NCKAP1L: variants seen among roughly 807,000 people sequenced by gnomAD.
The protein encoded by NCKAP1L is NCK associated protein 1 like.
NCKAP1L carries 53 observed loss-of-function variants against 139.2 expected under a neutral mutation model. The ratio of observed to expected loss-of-function variants is 0.38; its 90% CI spans 0.31 to 0.48. The LOEUF is 0.48. Ranked by LOEUF, NCKAP1L falls within the 20% of genes least tolerant of loss-of-function variation. The probability of loss-of-function intolerance (pLI) is 0.98; values close to 1 mark genes in which losing one functional copy is unlikely to be tolerated. For missense variants in NCKAP1L, 1,151 were observed against 1,381.9 expected, an observed-to-expected ratio of 0.83 and a Z score of 2.65; for synonymous variants, 468 against 499.7, an observed-to-expected ratio of 0.94 and a Z score of 0.85.
Position 54,536,105 on chromosome 12 carries a change from CT to C in NCKAP1L, c.2957-20del, listed in dbSNP as rs771491229. On this transcript the variant is annotated intron_variant, in intron 27 of 30. Coordinates refer to ENST00000293373, the MANE Select transcript of NCKAP1L (RefSeq NM_005337.5). ...TTTGCTGACTTTATTCACTTTTCCT[CT>C]TTTCCTTTTTCCCTCTCACCAGATA... 3.9e-5 allele frequency: 60 copies of C among 1,549,950 alleles called. No individual in the cohort carries two copies. In the Middle Eastern group the frequency reaches 7.0e-4, roughly 18 times the overall value.
chr12:54,516,886 T>G lies in NCKAP1L; in HGVS notation c.999-10T>G, dbSNP rs1024100702. The G allele has an allele frequency of 1.2e-6, 2 of 1,610,856 alleles. No homozygotes were observed. The highest frequency in any genetic ancestry group is 4.5e-5 in the East Asian group (2 of 44,652). ...AGAGGTGATAGTCATGTTCCCCTTT[T>G]CTTCCTTAGTGGCCAGTTTCATTGT... On this transcript the variant is annotated splice_polypyrimidine_tract_variant and intron_variant, in intron 10 of 30. Transcript: ENST00000293373.
At chr12:54,498,557 A>G (rs1445840644) in intron 1 of NCKAP1L, among the ~76,000 whole-genome samples, 1 of 152,072 alleles carries the variant, frequency 6.6e-6, no homozygotes, top group East Asian at 1.9e-4. Context: ...GGCATAGAAA[A>G]TAGGGGACTT....
intron 1 of NCKAP1L, among the ~76,000 whole-genome samples, chr12:54,498,315 G>GA (rs1004836262): frequency 2.3e-4 from 35 of 151,116 alleles, no homozygotes; most frequent in African/African-American, 7.3e-4. Context: ...TCCCTAAAAG[G>GA]AAAAAAAATA....
intron 16 of NCKAP1L, among the ~76,000 whole-genome samples, chr12:54,520,166 G>T (rs1466423639): frequency 6.6e-6 from 1 of 152,178 alleles, no homozygotes; most frequent in African/African-American, 2.4e-5. Flanking sequence ...TAGTTGGGGA[G>T]ATATAATACC....
intron 16 of NCKAP1L, 31 bp from the exon 17 acceptor site, chr12:54,520,663 C>T: frequency 6.2e-7 from 1 of 1,613,502 alleles, no homozygotes. Context: ...AGGACTAAAT[C>T]TTGATTTAAA....
chr12:54,518,671 G>A lies in NCKAP1L; in HGVS notation c.1359G>A (p.Glu453=), dbSNP rs576321186. 3 of 1,614,050 alleles carry A rather than the reference G, an allele frequency of 1.9e-6. No individual in the cohort carries two copies. The South Asian group carries it at 3.3e-5, about 18-fold the overall frequency. Residue 453 remains glutamate (E), a synonymous_variant, in exon 14 of 31, where the codon GAG becomes GAA. Transcript: ENST00000293373. ...TTTAGAACTTGTCTGTGTGTCCAGA[G>A]GAGGAGTCCATCATCATGTCCTCAT... ...DIIQNLSVCP[E]EESIIMSSFV... is the part of the protein sequence containing the mutation.
At chr12:54,525,829 AG>A (rs1261127981) in intron 20 of NCKAP1L, among the ~76,000 whole-genome samples, 1 of 152,200 alleles carries the variant, frequency 6.6e-6, no homozygotes, top group Non-Finnish European at 1.5e-5. Flanking sequence ...CAAGGAAAAA[AG>A]TCCTTAGTCA....
At chr12:54,522,396 T>G (rs1459727092) in intron 18 of NCKAP1L, among the ~76,000 whole-genome samples, 1 of 152,226 alleles carries the variant, frequency 6.6e-6, no homozygotes. Context: ...CAGGGATGAC[T>G]AAAACATGAT....
chr12:54,518,449 AG>A (rs1444130856), intron 13 of NCKAP1L: 4 of 641,172 alleles, frequency 6.2e-6, no homozygotes, highest in Admixed American at 2.5e-5. Flanking sequence ...ACATAGAAAT[AG>A]GAGAGAAAAA....
chr12:54,500,307 A>G (rs1956787539), intron 2 of NCKAP1L, among the ~76,000 whole-genome samples: 1 of 152,080 alleles, frequency 6.6e-6, no homozygotes, highest in Admixed American at 6.6e-5. Context: ...TATTTTTAAT[A>G]GAGACGGGGT....
rs1957185783 is a variant in NCKAP1L, at chr12:54,544,735, A to T, written c.*2050A>T. On this transcript the variant is annotated 3_prime_UTR_variant, in exon 31 of 31. Transcript: ENST00000293373. ...CAGAACAGGCCGGGCGCAGTGGCTC[A>T]CGCCTGTAATCCCAGCACTTTGGGA... The T allele has an allele frequency of 6.6e-6, 1 of 152,330 alleles. No individual in the cohort carries two copies. The highest frequency in any genetic ancestry group is 1.5e-5 in the Non-Finnish European group (1 of 68,152). 9.4% of individuals were successfully genotyped at this position (152,330 alleles called of 1,614,324 possible). A position where few individuals can be genotyped will look rare whatever the true frequency, so the allele number is the denominator to read the frequency against.
chr12:54,499,237 A>T, intron 1 of NCKAP1L, 118 bp from the exon 2 acceptor site: 1 of 648,042 alleles, frequency 1.5e-6, no homozygotes. Flanking sequence ...CATGCTTTTT[A>T]AATTAGTTCC....
rs1381963624 is a variant in NCKAP1L at position 54,547,523 on chromosome 12, T to TGTGA, written c.*4841_*4842insAGTG. The TGTGA allele has an allele frequency of 6.6e-6, 1 of 151,920 alleles. No homozygotes were observed. The highest frequency in any genetic ancestry group is 1.5e-5 in the Non-Finnish European group (1 of 68,192). 9.4% of individuals were successfully genotyped at this position (151,920 alleles called of 1,614,324 possible). On this transcript the variant is annotated 3_prime_UTR_variant, in exon 31 of 31. Transcript: ENST00000293373. ...GTGTGCGTGTGTGTGTGTGTGTGTG[T>TGTGA]GTGTGTGTGTGAATTAGCCTTAAAA...
rs1473538930 is a variant in NCKAP1L, at chr12:54,521,132, A to G, written c.1772A>G (p.Lys591Arg). 6.2e-7 allele frequency: 1 copy of G among 1,613,972 alleles called. No homozygotes were observed. The highest frequency in any genetic ancestry group is 1.3e-5 in the African/African-American group (1 of 74,902). Residue 591 changes from lysine (K) to arginine (R), a missense_variant, in exon 18 of 31, where the codon AAG becomes AGG. Coordinates refer to ENST00000293373, the MANE Select transcript of NCKAP1L (RefSeq NM_005337.5). ...TCTTTCCCATAGTACCCCCACCTCA[A>G]GAACCATGGTCTTCACCACTGCAAC... ...EMCPEEYPHL[K>R]NHGLHHCNSF... is the part of the protein sequence containing the mutation.
intron 22 of NCKAP1L, among the ~76,000 whole-genome samples, chr12:54,530,392 G>A (rs1332123282): frequency 1.3e-5 from 2 of 152,202 alleles, no homozygotes; most frequent in African/African-American, 4.8e-5. Flanking sequence ...AAGGGCCAGA[G>A]CAGGCTGGGT....
intron 9 of NCKAP1L, 122 bp from the exon 10 acceptor site, chr12:54,516,117 C>A: frequency 1.1e-6 from 1 of 885,534 alleles, no homozygotes; most frequent in Non-Finnish European, 1.9e-6. Flanking sequence ...AAAGATCCTG[C>A]CTGTGAGGGC....
chr12:54,541,305 A>G (rs1052100495), intron 30 of NCKAP1L, among the ~76,000 whole-genome samples: 2 of 152,262 alleles, frequency 1.3e-5, no homozygotes, highest in Non-Finnish European at 2.9e-5. Flanking sequence ...TTTCTTGGCC[A>G]TCACTCTAGG....
At chr12:54,531,916 A>G in intron 25 of NCKAP1L, 91 bp downstream of exon 25, 1 of 1,124,048 alleles carries the variant, frequency 8.9e-7, no homozygotes, top group Non-Finnish European at 1.3e-6. Context: ...TGCGGGAATC[A>G]GTTTTAACTT....
Position 54,543,902 on chromosome 12 carries a change from G to T in NCKAP1L, c.*1217G>T, listed in dbSNP as rs1211804282. On this transcript the variant is annotated 3_prime_UTR_variant, in exon 31 of 31. Coordinates refer to ENST00000293373, the MANE Select transcript of NCKAP1L (RefSeq NM_005337.5). ...ATTGACAAATATAATTAGCTAGTTGGTTAATTAGGGTCATGTCCATACTTT... is the reference window on the plus strand; with the variant it reads ...ATTGACAAATATAATTAGCTAGTTGTTTAATTAGGGTCATGTCCATACTTT... 1 of 152,192 alleles carries T rather than the reference G, an allele frequency of 6.6e-6. No homozygotes were observed. The highest frequency in any genetic ancestry group is 1.9e-4 in the East Asian group (1 of 5,200). The allele number at this position is 152,192 out of a possible 1,614,324, so 9.4% of individuals were successfully genotyped here.
Sources: gnomAD v4.1 joint callset for allele counts (sites outside exome capture counted in the v4.1 genomes callset) on GRCh38, gnomAD v4.1.1 for gene constraint, MANE v1.5 for transcripts, NCBI Gene and HGNC (gene_info 2026-07-23, HGNC 2026-07-21) for gene names.